ADAMTS6: variants seen among roughly 807,000 people sequenced by gnomAD.
The protein encoded by ADAMTS6 is A disintegrin and metalloproteinase with thrombospondin motifs 6.
A neutral mutation model predicts 144.3 loss-of-function variants in ADAMTS6; 23 were observed. That is an observed-to-expected ratio of 0.16 (90% CI 0.11 to 0.23). ADAMTS6 has a LOEUF of 0.23. Ranked by LOEUF, ADAMTS6 falls within the 10% of genes least tolerant of loss-of-function variation. The pLI is 1.00. For synonymous variants in ADAMTS6, 444 were observed against 457.5 expected (o/e 0.97, Z 0.38); for missense variants, 999 against 1,379.6 (o/e 0.72, Z 4.37).
intron 7 of ADAMTS6, among the ~76,000 whole-genome samples, chr5:65,345,915 A>T (rs1247992216): frequency 6.6e-6 from 1 of 151,960 alleles, no homozygotes; most frequent in African/African-American, 2.4e-5. Context: ...TCCTAAAGAA[A>T]GCACAGTTGT....
At chr5:65,200,372 A>G (rs995423343) in intron 20 of ADAMTS6, among the ~76,000 whole-genome samples, 4 of 152,216 alleles carry the variant, frequency 2.6e-5, no homozygotes, top group African/African-American at 9.6e-5. Context: ...CCACAAGAGA[A>G]ATGATTGAGT....
At chr5:65,407,790 C>T (rs1359572895) in intron 7 of ADAMTS6, among the ~76,000 whole-genome samples, 1 of 152,066 alleles carries the variant, frequency 6.6e-6, no homozygotes, top group African/African-American at 2.4e-5. Context: ...TATAAAGACA[C>T]ATGCACACGT....
intron 15 of ADAMTS6, among the ~76,000 whole-genome samples, chr5:65,240,233 T>C (rs1759055892): frequency 6.6e-6 from 1 of 152,074 alleles, no homozygotes. Flanking sequence ...GCCTCCCAAG[T>C]AGCTGGGCTT....
intron 14 of ADAMTS6, among the ~76,000 whole-genome samples, chr5:65,253,437 C>T (rs75870147): frequency 0.012 from 1,808 of 152,226 alleles, 54 homozygotes; most frequent in African/African-American, 0.041. Flanking sequence ...AAGCCAAAAA[C>T]GCTTATGGAT....
chr5:65,249,495 G>C (rs950506773), intron 14 of ADAMTS6, among the ~76,000 whole-genome samples: 2 of 152,162 alleles, frequency 1.3e-5, no homozygotes, highest in African/African-American at 2.4e-5. Flanking sequence ...CACTGCACTT[G>C]ACCTTGGTGC....
rs866664996 is a variant in ADAMTS6 at position 65,367,110 on chromosome 5, A to C, written c.1074-33025T>G. ...ATAATCATGGAGCTGTACTGAAATG[A>C]ATATTCCCATGATCAAATTGAATTA... is the stretch of plus-strand genomic sequence containing the variant. On this transcript the variant is annotated intron_variant, in intron 7 of 24. Coordinates refer to ENST00000381055, the MANE Select transcript of ADAMTS6 (RefSeq NM_197941.4). 7.9e-5 allele frequency among the ~76,000 whole-genome samples: 12 copies of C among 152,240 alleles called. 1 individual carries two copies. The South Asian group carries it at 2.5e-3, about 31-fold the overall frequency.
intron 3 of ADAMTS6, among the ~76,000 whole-genome samples, chr5:65,467,075 A>C (rs1450048499): frequency 6.6e-6 from 1 of 152,056 alleles, no homozygotes; most frequent in Non-Finnish European, 1.5e-5. Flanking sequence ...AGAAAATCCA[A>C]GAAAAAGAGA....
At chr5:65,298,476 G>C (rs1743069761) in intron 10 of ADAMTS6, among the ~76,000 whole-genome samples, 1 of 152,100 alleles carries the variant, frequency 6.6e-6, no homozygotes, top group Non-Finnish European at 1.5e-5. Context: ...TGTCTAGGGA[G>C]AGCGGATCTT....
chr5:65,337,090 G>C (rs1747374140), intron 7 of ADAMTS6, among the ~76,000 whole-genome samples: 1 of 151,992 alleles, frequency 6.6e-6, no homozygotes, highest in Admixed American at 6.6e-5. Context: ...ATAGAATCAA[G>C]TTGTATTTAT....
intron 24 of ADAMTS6, 31 bp downstream of exon 24, chr5:65,170,586 A>T (rs752393139): frequency 3.7e-6 from 6 of 1,610,452 alleles, no homozygotes; most frequent in Non-Finnish European, 5.1e-6. Flanking sequence ...GTCATTAGAA[A>T]CCACAGGCCC....
chr5:65,263,446 A>G (rs1761368742), intron 12 of ADAMTS6, among the ~76,000 whole-genome samples: 1 of 151,048 alleles, frequency 6.6e-6, no homozygotes, highest in South Asian at 2.1e-4. Flanking sequence ...GGTTGAGGCT[A>G]CAATAGTAAA....
intron 9 of ADAMTS6, among the ~76,000 whole-genome samples, chr5:65,329,133 T>G (rs1251023836): frequency 6.6e-6 from 1 of 152,156 alleles, no homozygotes; most frequent in Non-Finnish European, 1.5e-5. Context: ...TTGAGGAGAC[T>G]GAACAAAAAC....
At chr5:65,266,081 T>C (rs1196760298) in intron 12 of ADAMTS6, among the ~76,000 whole-genome samples, 1 of 151,942 alleles carries the variant, frequency 6.6e-6, no homozygotes, top group African/African-American at 2.4e-5. Flanking sequence ...AGTCAGGTTT[T>C]TTCATTTGTC....
At chr5:65,459,648 T>C (rs114957161) in intron 4 of ADAMTS6, among the ~76,000 whole-genome samples, 2 of 152,178 alleles carry the variant, frequency 1.3e-5, no homozygotes, top group African/African-American at 4.8e-5. Context: ...TACCTTCACT[T>C]TTCCCCCAGC....
chr5:65,475,082 A>C (rs1393553408), intron 1 of ADAMTS6, among the ~76,000 whole-genome samples: 1 of 152,142 alleles, frequency 6.6e-6, no homozygotes, highest in Non-Finnish European at 1.5e-5. Flanking sequence ...TGAAATTTTC[A>C]CATAATAAAT....
In ADAMTS6 at chr5:65,150,203, ACCT is replaced by A. The variant is rs1752079204; in HGVS notation, c.*1630_*1632del. On this transcript the variant is annotated 3_prime_UTR_variant, in exon 25 of 25. Coordinates refer to ENST00000381055, the MANE Select transcript of ADAMTS6 (RefSeq NM_197941.4). Reference sequence around the variant, plus strand: ...ACATGCTGTTTAACTGAAAGTATTAACCTTACAAAATAGCCATTTAGTTTTGAG... The same window carrying A: ...ACATGCTGTTTAACTGAAAGTATTAATACAAAATAGCCATTTAGTTTTGAG... 6.6e-6 allele frequency: 1 copy of A among 152,596 alleles called. No individual in the cohort carries two copies. The highest frequency in any genetic ancestry group is 1.5e-5 in the Non-Finnish European group (1 of 68,026). The allele number at this position is 152,596 out of a possible 1,614,324, so 9.5% of individuals were successfully genotyped here. A position where few individuals can be genotyped will look rare whatever the true frequency, so the allele number is the denominator to read the frequency against.
chr5:65,479,156 C>G (rs761828520), intron 1 of ADAMTS6, among the ~76,000 whole-genome samples: 1 of 152,142 alleles, frequency 6.6e-6, no homozygotes, highest in Non-Finnish European at 1.5e-5. Context: ...GAAGAAACAA[C>G]AATACCATGC....
intron 7 of ADAMTS6, among the ~76,000 whole-genome samples, chr5:65,397,192 A>G (rs974211320): frequency 2.0e-5 from 3 of 152,070 alleles, no homozygotes; most frequent in Non-Finnish European, 2.9e-5. Context: ...TCCCTCTTTC[A>G]TTTCTAGTAT....
intron 22 of ADAMTS6, among the ~76,000 whole-genome samples, chr5:65,181,929 G>T (rs1754376946): frequency 6.6e-6 from 1 of 152,164 alleles, no homozygotes; most frequent in Non-Finnish European, 1.5e-5. Context: ...TAAAGTCTGG[G>T]ACATACATCT....
Sources: allele counts gnomAD v4.1 joint callset (sites outside exome capture counted in the v4.1 genomes callset), GRCh38; gene constraint gnomAD v4.1.1; transcripts MANE v1.5; gene names NCBI Gene and HGNC (gene_info 2026-07-23, HGNC 2026-07-21).